The following TUBB8B variants were observed in gnomAD, a reference collection of about 807,000 sequenced individuals.
TUBB8B encodes the protein HSA18p11 beta-tubulin 4Q pseudogene.
TUBB8B carries 26 observed loss-of-function variants against 31.9 expected under a neutral mutation model. The observed-to-expected ratio is 0.81, with a 90% confidence interval of 0.60 to 1.13. TUBB8B has a LOEUF of 1.13. Ranked by LOEUF, TUBB8B falls within the 50% of genes most tolerant of loss-of-function variation. The pLI is 0.00. For missense variants in TUBB8B, 467 were observed against 586.7 expected, an observed-to-expected ratio of 0.80 and a Z score of 2.11; for synonymous variants, 173 against 231.0, an observed-to-expected ratio of 0.75 and a Z score of 2.28.
the TUBB8B span, among the ~76,000 whole-genome samples, chr18:61,646 T>A: frequency 1.6e-5 from 2 of 127,372 alleles, no homozygotes; most frequent in African/African-American, 6.7e-5. Context: ...CCATGAGGCT[T>A]GAATATAATA....
In TUBB8B at chr18:48,057, C is replaced by A; in HGVS notation, c.668G>T (p.Gly223Val). The A allele has an allele frequency of 6.2e-7, 1 of 1,613,500 alleles. No individual in the cohort carries two copies. The change falls in exon 4 of 4, where the codon GGT (glycine) becomes GTT (valine). Residue 223 changes from glycine (G) to valine (V), a missense_variant. Gly to Val is a moderately radical substitution (Grantham distance 109). Transcript: ENST00000308911. ...AGCAGACACCAGGTGGTTCAGGTCACCATAGGTGGGTGTGGGCAGTTTTAG... is the reference window on the plus strand; with the variant it reads ...AGCAGACACCAGGTGGTTCAGGTCAACATAGGTGGGTGTGGGCAGTTTTAG... The part of the protein sequence containing the change: ...RTLKLPTPTY[G>V]DLNHLVSATM...
At position 48,965 on chromosome 18, in the gene TUBB8B, G is replaced by C. The variant is rs768985577; in HGVS notation, c.252C>G (p.Val84=). 54 of 1,606,100 alleles carry C rather than the reference G, an allele frequency of 3.4e-5. 1 individual carries two copies. The highest frequency in any genetic ancestry group is 4.3e-5 in the Non-Finnish European group (51 of 1,174,558). ...DSVHSGPFGQ[V]FRPDNFISGQ... ...CGGAAATGAAGTTGTCTGGCCTGAA[G>C]ACCTGCCCGAAGGGCCCCGAGTGCA... The change falls in exon 3 of 4, where the codon GTC becomes GTG. Residue 84 remains valine, a synonymous_variant. Transcript: ENST00000308911.
chr18:55,462 C>T, the TUBB8B span, among the ~76,000 whole-genome samples: 1 of 151,702 alleles, frequency 6.6e-6, no homozygotes, highest in Non-Finnish European at 1.5e-5. Flanking sequence ...GCTGGGGAGG[C>T]CTCAGGAAAC....
chr18:63,240 T>C, the TUBB8B span, among the ~76,000 whole-genome samples: 139 of 152,004 alleles, frequency 9.1e-4, 1 homozygote, highest in African/African-American at 3.3e-3. Flanking sequence ...TATTGTAGTC[T>C]TCACAGTCTG....
chr18:49,390 C>A, intron 1 of TUBB8B, 111 bp downstream of exon 1: 1 of 808,324 alleles, frequency 1.2e-6, no homozygotes, highest in Non-Finnish European at 2.0e-6. Context: ...CCACCGTCCC[C>A]GGCAGGGAGC....
chr18:69,063 A>C, the TUBB8B span, among the ~76,000 whole-genome samples: 1 of 152,258 alleles, frequency 6.6e-6, no homozygotes, highest in South Asian at 2.1e-4. Flanking sequence ...ATCTGCAAGA[A>C]TCACCCGCAA....
At chr18:54,304 T>G (rs1377019763), upstream of TUBB8B, among the ~76,000 whole-genome samples, 1 of 151,778 alleles carries the variant, frequency 6.6e-6, no homozygotes, top group Non-Finnish European at 1.5e-5. Context: ...ATGACATACT[T>G]TGATACAGGC....
chr18:49,819 ACTT>A (rs771084214), upstream of TUBB8B: 4 of 617,502 alleles, frequency 6.5e-6, no homozygotes, highest in African/African-American at 3.6e-5. Context: ...CAGCTGGAGA[ACTT>A]CTTCCCACGT....
chr18:68,997 T>C, the TUBB8B span, among the ~76,000 whole-genome samples: 1 of 152,204 alleles, frequency 6.6e-6, no homozygotes, highest in Non-Finnish European at 1.5e-5. Flanking sequence ...TATCTAACAG[T>C]AGTAAAGTTA....
At chr18:71,034 GC>G in the TUBB8B span, among the ~76,000 whole-genome samples, 2 of 151,816 alleles carry the variant, frequency 1.3e-5, no homozygotes, top group African/African-American at 4.8e-5. Context: ...AATCACTTGA[GC>G]CCAGGAGTTC....
chr18:55,124 T>G, the TUBB8B span, among the ~76,000 whole-genome samples: 426 of 151,958 alleles, frequency 2.8e-3, 5 homozygotes, highest in Admixed American at 5.4e-3. Context: ...TGTATTGAGA[T>G]GAAGTCTTGC....
At chr18:58,387 C>T in the TUBB8B span, among the ~76,000 whole-genome samples, 43 of 151,776 alleles carry the variant, frequency 2.8e-4, 5 homozygotes, top group Non-Finnish European at 6.2e-4. Context: ...ATCTTCAATG[C>T]TTTAGTGCTT....
At chr18:72,918 G>A in the TUBB8B span, among the ~76,000 whole-genome samples, 1 of 152,162 alleles carries the variant, frequency 6.6e-6, no homozygotes, top group African/African-American at 2.4e-5. Context: ...AGTGAGCCGA[G>A]ATCGCGCCAT....
At chr18:60,961 A>G in the TUBB8B span, among the ~76,000 whole-genome samples, 4 of 151,738 alleles carry the variant, frequency 2.6e-5, 1 homozygote, top group African/African-American at 9.7e-5. Context: ...GTAAATATCT[A>G]TTAGGTTCAT....
chr18:72,196 A>AAACAAAAAAAAAAAAC, the TUBB8B span, among the ~76,000 whole-genome samples: 1 of 84,536 alleles, frequency 1.2e-5, no homozygotes, highest in African/African-American at 3.9e-5. Context: ...AAAAAAAAAA[A>AAACAAAAAAAAAAAAC]AAAGGAAAAA....
At chr18:72,338 T>G in the TUBB8B span, among the ~76,000 whole-genome samples, 1 of 152,132 alleles carries the variant, frequency 6.6e-6, no homozygotes. Context: ...TTCAATTAAT[T>G]TTATGGTATC....
chr18:55,889 A>G, the TUBB8B span, among the ~76,000 whole-genome samples: 1 of 151,664 alleles, frequency 6.6e-6, no homozygotes, highest in African/African-American at 2.4e-5. Context: ...ATGGGGCATT[A>G]TTTAAGAAAT....
In TUBB8B at chr18:47,482, T is replaced by A. The variant is rs1373960376; in HGVS notation, c.1243A>T (p.Met415Leu). The A allele has an allele frequency of 6.5e-7, 1 of 1,532,702 alleles. No homozygotes were observed. Among genetic ancestry groups the A allele is most frequent in the East Asian group, 2.3e-5 (1 of 44,296 alleles). The allele number at this position is 1,532,702 out of a possible 1,614,324, so 94.9% of individuals were successfully genotyped here. A position where few individuals can be genotyped will look rare whatever the true frequency, so the allele number is the denominator to read the frequency against. ...TGATATTCAGACACCAGGTCGTTCA[T>A]GTTGCTCTCGGCCTCGGTGAATTCC... ...EMEFTEAESN[M>L]NDLVSEYQQY... The change falls in exon 4 of 4, where the codon ATG (methionine) becomes TTG (leucine). Residue 415 changes from methionine to leucine, a missense_variant. Met to Leu is a conservative substitution (Grantham distance 15, BLOSUM62 2). Coordinates refer to ENST00000308911, the MANE Select transcript of TUBB8B (RefSeq NM_001358689.2).
the TUBB8B span, among the ~76,000 whole-genome samples, chr18:72,793 C>G: frequency 6.6e-6 from 1 of 151,992 alleles, no homozygotes; most frequent in African/African-American, 2.4e-5. Flanking sequence ...CATGGAGAAA[C>G]CCCGTCTCTA....
Sources: gnomAD v4.1 joint callset for allele counts (sites outside exome capture counted in the v4.1 genomes callset) on GRCh38, gnomAD v4.1.1 for gene constraint, MANE v1.5 for transcripts, NCBI Gene and HGNC (gene_info 2026-07-23, HGNC 2026-07-21) for gene names.